Variants in CACNA1C observed in about 807,000 individuals in gnomAD.
CACNA1C encodes the protein voltage-dependent L-type calcium channel subunit alpha-1C.
A neutral mutation model predicts 229.0 loss-of-function variants in CACNA1C; 30 were observed. That is an observed-to-expected ratio of 0.13 (90% CI 0.10 to 0.18). The LOEUF (loss-of-function observed/expected upper bound fraction) is 0.18. Ranked by LOEUF, CACNA1C falls within the 10% of genes least tolerant of loss-of-function variation. The pLI is 1.00. For missense variants in CACNA1C, 1,658 were observed against 2,845.0 expected (o/e 0.58, Z 9.49); for synonymous variants, 1,114 against 1,132.5 (o/e 0.98, Z 0.33).
At chr12:2,496,837 C>G (rs767802981) in intron 7 of CACNA1C, among the ~76,000 whole-genome samples, 11 of 152,278 alleles carry the variant, frequency 7.2e-5, no homozygotes, top group Admixed American at 1.3e-4. Context: ...AAACAAAACT[C>G]GGGTTTGGTG....
At chr12:2,093,110 C>T (rs2072039232) in intron 1 of CACNA1C, among the ~76,000 whole-genome samples, 1 of 152,226 alleles carries the variant, frequency 6.6e-6, no homozygotes, top group South Asian at 2.1e-4. Context: ...CTTGTGTTGG[C>T]CACTTTCGTT....
At chr12:2,364,937 C>A (rs1459900658) in intron 3 of CACNA1C, among the ~76,000 whole-genome samples, 1 of 152,188 alleles carries the variant, frequency 6.6e-6, no homozygotes, top group East Asian at 1.9e-4. Context: ...ACATGGGCCT[C>A]TGCGGTGAAT....
chr12:2,676,744 C>T (rs73040950), intron 39 of CACNA1C: 114 of 176,480 alleles, frequency 6.5e-4, no homozygotes, highest in Middle Eastern at 2.8e-3. Context: ...AAAAAAAAAG[C>T]GGGAAATAAT....
chr12:2,304,272 C>T (rs1288311328), intron 3 of CACNA1C, among the ~76,000 whole-genome samples: 3 of 152,158 alleles, frequency 2.0e-5, no homozygotes, highest in East Asian at 1.9e-4. Flanking sequence ...AGGAGGTGCA[C>T]GGCCCCAGAA....
At chr12:2,522,118 G>A (rs1461558713) in intron 9 of CACNA1C, among the ~76,000 whole-genome samples, 1 of 152,160 alleles carries the variant, frequency 6.6e-6, no homozygotes, top group Non-Finnish European at 1.5e-5. Flanking sequence ...TGGCCTCCTA[G>A]CCCAGGTCGA....
In CACNA1C at chr12:2,583,034, T is replaced by C. The variant is rs1471093521; in HGVS notation, c.2224+92T>C. On this transcript the variant is annotated intron_variant, in intron 15 of 46. Coordinates refer to ENST00000399655, the MANE Select transcript of CACNA1C (RefSeq NM_000719.7). ...GGGCACGCCCCTCAGGTCCGGGCGG[T>C]CCTGCTCGGGCTCACACCACCCAGC... is the stretch of plus-strand genomic sequence containing the variant. 7 of 922,010 alleles carry C rather than the reference T, an allele frequency of 7.6e-6. No individual in the cohort carries two copies. In the South Asian group the frequency reaches 1.1e-4, roughly 14 times the overall value. The allele number at this position is 922,010 out of a possible 1,614,324, so 57.1% of individuals were successfully genotyped here.
Position 2,686,019 on chromosome 12 carries a change from C to T in CACNA1C, c.5681-147C>T, listed in dbSNP as rs181014648. 1.6e-4 allele frequency: 135 copies of T among 828,716 alleles called. 2 individuals carry two copies. In the East Asian group the frequency reaches 2.2e-3, roughly 13 times the overall value. The allele number at this position is 828,716 out of a possible 1,614,324, so 51.3% of individuals were successfully genotyped here. ...GGTGTGCAGGGATGAGCCCTGGACA[C>T]CAGAATACGTCTCAGACGAGGGGAG... On this transcript the variant is annotated intron_variant, in intron 44 of 46. Transcript: ENST00000399655.
At chr12:2,426,013 G>T (rs1300124842) in intron 3 of CACNA1C, among the ~76,000 whole-genome samples, 1 of 152,144 alleles carries the variant, frequency 6.6e-6, no homozygotes, top group African/African-American at 2.4e-5. Flanking sequence ...ATTCTCGAAG[G>T]CATTTGTGGT....
At chr12:2,606,309 C>T (rs941572809) in intron 24 of CACNA1C, among the ~76,000 whole-genome samples, 10 of 151,978 alleles carry the variant, frequency 6.6e-5, no homozygotes, top group African/African-American at 1.4e-4. Context: ...ACTGTGTAAA[C>T]GCCCATCTAA....
chr12:2,234,226 G>C (rs2066439595), intron 3 of CACNA1C, among the ~76,000 whole-genome samples: 1 of 152,188 alleles, frequency 6.6e-6, no homozygotes, highest in Admixed American at 6.5e-5. Flanking sequence ...AACTCATGCT[G>C]AGGCTGGTTC....
At chr12:2,278,744 T>C (rs918623137) in intron 3 of CACNA1C, among the ~76,000 whole-genome samples, 15 of 152,236 alleles carry the variant, frequency 9.9e-5, no homozygotes, top group Non-Finnish European at 2.2e-4. Context: ...CTTGGGTAGA[T>C]ACCTGGGAGT....
rs188688258 is a variant in CACNA1C, at chr12:2,478,602, G to A, written c.758-7502G>A. ...CTGATATGGCCTTTACTATGGGCCTGATGTTGTTCTGGGCACTTTGCTTAA... is the reference window on the plus strand; with the variant it reads ...CTGATATGGCCTTTACTATGGGCCTAATGTTGTTCTGGGCACTTTGCTTAA... On this transcript the variant is annotated intron_variant, in intron 5 of 46. Coordinates refer to ENST00000399655, the MANE Select transcript of CACNA1C (RefSeq NM_000719.7). Among the ~76,000 whole-genome samples, 3 of 152,320 alleles carry A rather than the reference G, an allele frequency of 2.0e-5. No homozygotes were observed. The East Asian group carries it at 5.8e-4, about 29-fold the overall frequency.
chr12:2,586,360 A>G (rs967458816), intron 18 of CACNA1C, among the ~76,000 whole-genome samples: 2 of 152,200 alleles, frequency 1.3e-5, no homozygotes, highest in East Asian at 1.9e-4. Flanking sequence ...GCTTTAGGCA[A>G]TGATTTCAGG....
chr12:2,642,317 T>C (rs569281093), intron 30 of CACNA1C, among the ~76,000 whole-genome samples: 5 of 152,312 alleles, frequency 3.3e-5, no homozygotes. Context: ...TACGGCCCTC[T>C]GTTCCCTTCC....
chr12:2,286,102 G>A (rs2092635389), intron 3 of CACNA1C, among the ~76,000 whole-genome samples: 1 of 152,202 alleles, frequency 6.6e-6, no homozygotes, highest in Non-Finnish European at 1.5e-5. Flanking sequence ...AGAGTTATTA[G>A]AATGAACAGA....
Position 2,254,849 on chromosome 12 carries a change from G to T in CACNA1C, c.477+134419G>T, listed in dbSNP as rs565281574. Among the ~76,000 whole-genome samples the T allele has an allele frequency of 7.2e-4, 109 of 152,296 alleles. 1 individual carries two copies. Among genetic ancestry groups the T allele is most frequent in the African/African-American group, 2.6e-3 (107 of 41,554 alleles). On this transcript the variant is annotated intron_variant, in intron 3 of 46. Coordinates refer to ENST00000399655, the MANE Select transcript of CACNA1C (RefSeq NM_000719.7). ...GGTTCATTACCACTGCCAAGAAAAAGATCTTTTCATATCCCCCCGTCCTCT... is the reference window on the plus strand; with the variant it reads ...GGTTCATTACCACTGCCAAGAAAAATATCTTTTCATATCCCCCCGTCCTCT...
chr12:2,498,257 G>T (rs1397561538), intron 7 of CACNA1C, among the ~76,000 whole-genome samples: 1 of 152,162 alleles, frequency 6.6e-6, no homozygotes, highest in Non-Finnish European at 1.5e-5. Context: ...CAGAAACAGT[G>T]TCCAGGGCCC....
chr12:2,134,747 CT>C (rs2093046689), intron 3 of CACNA1C, among the ~76,000 whole-genome samples: 1 of 49,408 alleles, frequency 2.0e-5, no homozygotes, highest in Non-Finnish European at 3.7e-5. Context: ...ACATTTTTTC[CT>C]TCATTTCAAC....
At position 2,585,812 on chromosome 12, in the gene CACNA1C, C is replaced by T. The variant is rs1193105373; in HGVS notation, c.2461-23C>T. On this transcript the variant is annotated intron_variant, in intron 17 of 46. Coordinates refer to ENST00000399655, the MANE Select transcript of CACNA1C (RefSeq NM_000719.7). This position sits in a 1 kb window ranked among gnomAD's most constrained non-coding sequence, Gnocchi z 4.1. Reference sequence around the variant, plus strand: ...GGGGACGTATCTAACTATTCTTCCCCCTTCTCCCCTGTGACTGTCTAGATC... The same window carrying T: ...GGGGACGTATCTAACTATTCTTCCCTCTTCTCCCCTGTGACTGTCTAGATC... 1.3e-6 allele frequency: 2 copies of T among 1,570,750 alleles called. No individual in the cohort carries two copies. The highest frequency in any genetic ancestry group is 1.7e-6 in the Non-Finnish European group (2 of 1,145,142).
Sources: gnomAD v4.1 joint callset for allele counts (sites outside exome capture counted in the v4.1 genomes callset) on GRCh38, gnomAD v4.1.1 for gene constraint, Gnocchi (gnomAD v3.1) non-coding constraint, MANE v1.5 for transcripts, NCBI Gene and HGNC (gene_info 2026-07-23, HGNC 2026-07-21) for gene names.